The following NOS1AP variants were observed in gnomAD, a reference collection of about 807,000 sequenced individuals.
NOS1AP encodes the protein carboxyl-terminal PDZ ligand of neuronal nitric oxide synthase protein.
Under a neutral mutation model 56.2 loss-of-function variants are expected in NOS1AP, and 21 were observed. The observed-to-expected ratio is 0.37, with a 90% CI of 0.26 to 0.54. NOS1AP has a LOEUF of 0.54. Among genes scored for constraint, NOS1AP ranks in the 20% least tolerant of loss-of-function variants. The probability of loss-of-function intolerance (pLI) is 0.84; values close to 1 mark genes in which losing one functional copy is unlikely to be tolerated. For synonymous variants in NOS1AP, 270 were observed against 274.6 expected (o/e 0.98, Z 0.17); for missense variants, 522 against 657.8 (o/e 0.79, Z 2.26).
intron 6 of NOS1AP, among the ~76,000 whole-genome samples, chr1:162,349,198 GA>G (rs551039040): frequency 0.027 from 3,742 of 140,176 alleles, 60 homozygotes; most frequent in South Asian, 0.054. Context: ...CAAAAAAGGG[GA>G]AAAAAAAAAA....
intron 6 of NOS1AP, among the ~76,000 whole-genome samples, chr1:162,350,230 A>G (rs1200311847): frequency 6.6e-6 from 1 of 152,152 alleles, no homozygotes; most frequent in Non-Finnish European, 1.5e-5. Flanking sequence ...TGCAGAAAAA[A>G]CATGTTTACT....
chr1:162,167,870 G>T (rs1650574577), intron 2 of NOS1AP, among the ~76,000 whole-genome samples: 1 of 152,054 alleles, frequency 6.6e-6, no homozygotes, highest in Non-Finnish European at 1.5e-5. Context: ...AATTTGACTT[G>T]TTGCAGTTTT....
chr1:162,212,150 T>C (rs548290029), intron 2 of NOS1AP, among the ~76,000 whole-genome samples: 1 of 152,290 alleles, frequency 6.6e-6, no homozygotes, highest in East Asian at 1.9e-4. Context: ...GTTTTTATAC[T>C]TGACAGGACA....
chr1:162,330,583 C>T (rs923486071), intron 4 of NOS1AP, among the ~76,000 whole-genome samples: 1 of 152,036 alleles, frequency 6.6e-6, no homozygotes, highest in Non-Finnish European at 1.5e-5. Flanking sequence ...GAGATGACTG[C>T]AGAAAGGTAG....
intron 9 of NOS1AP, 130 bp downstream of exon 9, chr1:162,365,699 C>T: frequency 8.5e-7 from 1 of 1,173,846 alleles, no homozygotes; most frequent in Non-Finnish European, 1.2e-6. Context: ...AAAACATAGG[C>T]AGCTTTGTTT....
chr1:162,302,130 T>G (rs1383345575), intron 4 of NOS1AP, among the ~76,000 whole-genome samples: 1 of 152,252 alleles, frequency 6.6e-6, no homozygotes, highest in Non-Finnish European at 1.5e-5. Context: ...TAATGTTTTT[T>G]TGAAATACTT....
chr1:162,287,306 C>T, intron 2 of NOS1AP, 38 bp from the exon 3 acceptor site: 1 of 1,438,874 alleles, frequency 6.9e-7, no homozygotes, highest in East Asian at 2.3e-5. Flanking sequence ...CTGATCTCAT[C>T]AGATTGCACT....
At chr1:162,291,495 A>C (rs1189899880) in intron 3 of NOS1AP, among the ~76,000 whole-genome samples, 1 of 152,154 alleles carries the variant, frequency 6.6e-6, no homozygotes, top group Non-Finnish European at 1.5e-5. Flanking sequence ...TAAAAGGAAA[A>C]AAAAAAAGGA....
intron 2 of NOS1AP, among the ~76,000 whole-genome samples, chr1:162,221,544 A>G (rs949167881): frequency 3.3e-5 from 5 of 150,394 alleles, no homozygotes; most frequent in East Asian, 2.0e-4. Context: ...GCACACACAC[A>G]CACACACACA....
chr1:162,305,896 T>C lies in NOS1AP; in HGVS notation c.344+5190T>C, dbSNP rs192717563. ...TTCTTTATTTCTATAGGTTTCTTTG[T>C]TTTTTAGCCTAAATATAAAACTTTA... is the stretch of plus-strand genomic sequence containing the variant. On this transcript the variant is annotated intron_variant, in intron 4 of 9. Coordinates refer to ENST00000361897, the MANE Select transcript of NOS1AP (RefSeq NM_014697.3). Among the ~76,000 whole-genome samples, 5 of 152,308 alleles carry C rather than the reference T, an allele frequency of 3.3e-5. No homozygotes were observed. In the East Asian group the frequency reaches 9.6e-4, roughly 29 times the overall value.
chr1:162,291,869 T>C (rs886411249), intron 3 of NOS1AP, among the ~76,000 whole-genome samples: 8 of 152,230 alleles, frequency 5.3e-5, no homozygotes, highest in African/African-American at 1.9e-4. Context: ...CTTTTCCATG[T>C]ATATGTAATG....
intron 4 of NOS1AP, among the ~76,000 whole-genome samples, chr1:162,327,480 T>C (rs1457889984): frequency 6.6e-6 from 1 of 152,308 alleles, no homozygotes; most frequent in South Asian, 2.1e-4. Context: ...TACCAACTAG[T>C]GAATTTGTCA....
intron 1 of NOS1AP, among the ~76,000 whole-genome samples, chr1:162,097,401 T>G (rs1692270779): frequency 6.6e-6 from 1 of 152,222 alleles, no homozygotes; most frequent in South Asian, 2.1e-4. Context: ...AAGATTTAAA[T>G]GTAAAATGTA....
At chr1:162,232,887 A>G (rs1178299967) in intron 2 of NOS1AP, among the ~76,000 whole-genome samples, 1 of 152,184 alleles carries the variant, frequency 6.6e-6, no homozygotes. Flanking sequence ...ATACATAGGT[A>G]TGGTTGTTTC....
rs181631384 is a variant in NOS1AP, at chr1:162,187,681, C to T, written c.177+33205C>T. ...TAGAGGTGTTATAGACCTGTGAAAA[C>T]GGCTGAGTAGAAGATGTTGGAGATA... is the stretch of plus-strand genomic sequence containing the variant. On this transcript the variant is annotated intron_variant, in intron 2 of 9. Transcript: ENST00000361897. Among the ~76,000 whole-genome samples, 136 of 152,182 alleles carry T rather than the reference C, an allele frequency of 8.9e-4. 1 individual carries two copies. Among genetic ancestry groups the T allele is most frequent in the Non-Finnish European group, 7.1e-4 (48 of 68,008 alleles).
intron 2 of NOS1AP, among the ~76,000 whole-genome samples, chr1:162,167,074 G>A (rs1650536376): frequency 1.3e-5 from 2 of 152,182 alleles, no homozygotes; most frequent in Admixed American, 1.3e-4. Context: ...TGGGGCAGCT[G>A]CTGTTCCTTA....
At chr1:162,366,880 T>A (rs1658101681) in intron 9 of NOS1AP, 172 bp from the exon 10 acceptor site, 1 of 742,276 alleles carries the variant, frequency 1.3e-6, no homozygotes, top group African/African-American at 1.7e-5. Context: ...TGTCTGGAGC[T>A]ATGTGGGGGC....
chr1:162,196,810 T>G (rs1465899417), intron 2 of NOS1AP, among the ~76,000 whole-genome samples: 1 of 152,266 alleles, frequency 6.6e-6, no homozygotes, highest in African/African-American at 2.4e-5. Flanking sequence ...GGGAACAGAC[T>G]GCCTGGCACT....
intron 1 of NOS1AP, among the ~76,000 whole-genome samples, chr1:162,122,953 A>G (rs781139937): frequency 6.6e-6 from 1 of 152,216 alleles, no homozygotes; most frequent in African/African-American, 2.4e-5. Context: ...TATATATAGA[A>G]TAGTTTTAAA....
Sources: allele counts gnomAD v4.1 joint callset (sites outside exome capture counted in the v4.1 genomes callset), GRCh38; gene constraint gnomAD v4.1.1; transcripts MANE v1.5; gene names NCBI Gene and HGNC (gene_info 2026-07-23, HGNC 2026-07-21).